Variants in RCSD1 observed in about 807,000 individuals in gnomAD.
RCSD1 encodes the protein capZ-interacting protein.
RCSD1 carries 26 observed loss-of-function variants against 42.5 expected under a neutral mutation model. The ratio of observed to expected loss-of-function variants is 0.61; its 90% confidence interval spans 0.45 to 0.85. The LOEUF is 0.85. Ranked by LOEUF, RCSD1 falls within the 40% of genes least tolerant of loss-of-function variation. The pLI, the probability that RCSD1 is intolerant of heterozygous loss-of-function variation, is 0.00. For missense variants in RCSD1, 571 were observed against 528.3 expected (o/e 1.08, Z -0.79); for synonymous variants, 220 against 212.2 (o/e 1.04, Z -0.32).
chr1:167,635,445 C>G (rs1444987935), intron 1 of RCSD1, among the ~76,000 whole-genome samples: 1 of 152,128 alleles, frequency 6.6e-6, no homozygotes, highest in Non-Finnish European at 1.5e-5. Flanking sequence ...CCAGCCCAGG[C>G]CCTATCACAG....
At chr1:167,658,462 G>T (rs1039375032) in intron 1 of RCSD1, among the ~76,000 whole-genome samples, 1 of 152,168 alleles carries the variant, frequency 6.6e-6, no homozygotes, top group Non-Finnish European at 1.5e-5. Context: ...GTCTCGCTCT[G>T]TTGCCCAGAC....
chr1:167,646,191 T>C (rs991685452), intron 1 of RCSD1, among the ~76,000 whole-genome samples: 1 of 152,024 alleles, frequency 6.6e-6, no homozygotes, highest in Non-Finnish European at 1.5e-5. Context: ...AGGCTGAGTT[T>C]TGGTTGAGGC....
chr1:167,701,497 G>A (rs1396550755), intron 6 of RCSD1, among the ~76,000 whole-genome samples: 2 of 151,988 alleles, frequency 1.3e-5, no homozygotes, highest in Non-Finnish European at 2.9e-5. Context: ...GTAGAGACAA[G>A]GTTTCACCAT....
chr1:167,685,585 G>A, intron 3 of RCSD1, 75 bp downstream of exon 3: 1 of 1,225,066 alleles, frequency 8.2e-7, no homozygotes. Context: ...GTTTGGAGGA[G>A]GGGGCACCAA....
chr1:167,690,525 T>C (rs4656549), intron 4 of RCSD1, among the ~76,000 whole-genome samples: 6,738 of 152,042 alleles, frequency 0.044, 204 homozygotes, highest in Middle Eastern at 0.12. Flanking sequence ...AATTTTAAAA[T>C]TAGCCAGGCA....
chr1:167,694,924 G>A (rs1292623269), intron 5 of RCSD1, among the ~76,000 whole-genome samples: 1 of 152,176 alleles, frequency 6.6e-6, no homozygotes, highest in Non-Finnish European at 1.5e-5. Flanking sequence ...TCAGAGATAG[G>A]GGCCAAGCAG....
intron 1 of RCSD1, among the ~76,000 whole-genome samples, chr1:167,667,676 C>T (rs926706085): frequency 2.0e-5 from 3 of 152,150 alleles, no homozygotes; most frequent in African/African-American, 7.2e-5. Flanking sequence ...TCATTCTTTG[C>T]CCTTTGGTTA....
At chr1:167,634,980 G>C (rs533419158) in intron 1 of RCSD1, among the ~76,000 whole-genome samples, 120 of 151,632 alleles carry the variant, frequency 7.9e-4, no homozygotes, top group Non-Finnish European at 1.6e-3. Flanking sequence ...GTACATATTG[G>C]TGTATATAAT....
chr1:167,632,644 A>G (rs1476978374), intron 1 of RCSD1, among the ~76,000 whole-genome samples: 4 of 140,770 alleles, frequency 2.8e-5, no homozygotes, highest in Non-Finnish European at 6.3e-5. Context: ...GCAGGGAGGG[A>G]ATAGCTCAGC....
At chr1:167,689,943 C>A in intron 3 of RCSD1, 106 bp from the exon 4 acceptor site, 2 of 1,057,844 alleles carry the variant, frequency 1.9e-6, no homozygotes, top group Non-Finnish European at 1.4e-6. Flanking sequence ...GAGAAAGTGG[C>A]AACACCAACT....
At chr1:167,663,389 A>G (rs893980258) in intron 1 of RCSD1, 2 of 147,764 alleles carry the variant, frequency 1.4e-5, no homozygotes, top group African/African-American at 4.9e-5. Flanking sequence ...TGGCCCCTTC[A>G]TACCATACGC....
intron 1 of RCSD1, among the ~76,000 whole-genome samples, chr1:167,661,697 T>C (rs1658546551): frequency 1.3e-5 from 2 of 152,202 alleles, no homozygotes; most frequent in Admixed American, 6.5e-5. Flanking sequence ...CCGCTGTCGA[T>C]TAATATATAT....
chr1:167,692,523 A>T lies in RCSD1; in HGVS notation c.271-1576A>T, dbSNP rs562200703. ...CTCCCCATATGCCGCTTTTTTTTTT[A>T]TTTTTATTTTTTTTAGACAAGGTCT... On this transcript the variant is annotated intron_variant, in intron 4 of 6. Coordinates refer to ENST00000367854, the MANE Select transcript of RCSD1 (RefSeq NM_052862.4). 5.5e-3 allele frequency among the ~76,000 whole-genome samples: 777 copies of T among 140,012 alleles called. 10 individuals carry two copies. The highest frequency in any genetic ancestry group is 0.02 in the African/African-American group (719 of 36,034). The allele number at this position is 140,012 out of a possible 152,430, so 91.9% of individuals were successfully genotyped here.
intron 1 of RCSD1, among the ~76,000 whole-genome samples, chr1:167,642,920 C>T (rs1658042387): frequency 6.6e-6 from 1 of 152,188 alleles, no homozygotes; most frequent in Admixed American, 6.5e-5. Context: ...TAGCAACAGA[C>T]AGCCCTCTGC....
intron 1 of RCSD1, among the ~76,000 whole-genome samples, chr1:167,659,516 G>T (rs926650941): frequency 6.6e-6 from 1 of 152,148 alleles, no homozygotes; most frequent in Admixed American, 6.5e-5. Flanking sequence ...CTCTGCCACT[G>T]CATCCTATGT....
In RCSD1 at chr1:167,697,774, C is replaced by CAGACCGGCCCTGCCCAGCTGG. The variant is rs1659538461; in HGVS notation, c.1156_1176dup (p.Gly386_Thr392dup). On this transcript the variant is annotated inframe_insertion, in exon 6 of 7. Coordinates refer to ENST00000367854, the MANE Select transcript of RCSD1 (RefSeq NM_052862.4). Reference sequence around the variant, plus strand: ...AGTGCTCGAGCCAGGCTGCAGCCCCCAGACCGGCCCTGCCCAGCTGGAGAC... The same window carrying CAGACCGGCCCTGCCCAGCTGG: ...AGTGCTCGAGCCAGGCTGCAGCCCCCAGACCGGCCCTGCCCAGCTGGAGACCGGCCCTGCCCAGCTGGAGAC... 1 of 1,503,994 alleles carries CAGACCGGCCCTGCCCAGCTGG rather than the reference C, an allele frequency of 6.6e-7. No individual in the cohort carries two copies. Among genetic ancestry groups the CAGACCGGCCCTGCCCAGCTGG allele is most frequent in the South Asian group, 1.4e-5 (1 of 72,878 alleles). 93.2% of individuals were successfully genotyped at this position (1,503,994 alleles called of 1,614,324 possible).
At chr1:167,635,610 C>T (rs942165628) in intron 1 of RCSD1, among the ~76,000 whole-genome samples, 3 of 152,152 alleles carry the variant, frequency 2.0e-5, no homozygotes, top group African/African-American at 7.2e-5. Context: ...CTTATCAGGG[C>T]CGCAAGAGAA....
chr1:167,674,142 T>C (rs775168695), intron 1 of RCSD1, among the ~76,000 whole-genome samples: 20 of 152,216 alleles, frequency 1.3e-4, no homozygotes, highest in Non-Finnish European at 7.3e-5. Context: ...AAATATTAAC[T>C]GAATGAATGA....
chr1:167,648,928 T>C (rs1424185316), intron 1 of RCSD1, among the ~76,000 whole-genome samples: 1 of 152,254 alleles, frequency 6.6e-6, no homozygotes, highest in African/African-American at 2.4e-5. Context: ...TGTCAGATTC[T>C]GTGCTGGGAA....
Sources: allele counts gnomAD v4.1 joint callset (sites outside exome capture counted in the v4.1 genomes callset), GRCh38; gene constraint gnomAD v4.1.1; transcripts MANE v1.5; gene names NCBI Gene and HGNC (gene_info 2026-07-23, HGNC 2026-07-21).